SH3GL2: variants seen among roughly 807,000 people sequenced by gnomAD.
SH3GL2 encodes the protein endophilin-A1.
Under a neutral mutation model 46.0 loss-of-function variants are expected in SH3GL2, and 24 were observed. That is an observed-to-expected ratio of 0.52 (90% CI 0.38 to 0.73). The LOEUF (loss-of-function observed/expected upper bound fraction) is 0.73. Among genes scored for constraint, SH3GL2 ranks in the 30% least tolerant of loss-of-function variants. The pLI is 0.00. For missense variants in SH3GL2, 413 were observed against 424.2 expected (o/e 0.97, Z 0.23); for synonymous variants, 196 against 147.1 (o/e 1.33, Z -2.40).
chr9:17,582,268 A>G (rs987828156), intron 1 of SH3GL2, among the ~76,000 whole-genome samples: 1 of 81,846 alleles, frequency 1.2e-5, no homozygotes, highest in Non-Finnish European at 2.3e-5. Flanking sequence ...AAAATATATA[A>G]TGATACCAAA....
chr9:17,584,840 C>G (rs1387421168), intron 1 of SH3GL2, among the ~76,000 whole-genome samples: 1 of 152,080 alleles, frequency 6.6e-6, no homozygotes, highest in East Asian at 1.9e-4. Flanking sequence ...ACTGAGAGTC[C>G]TCGTGATTGA....
intron 1 of SH3GL2, among the ~76,000 whole-genome samples, chr9:17,678,815 G>A (rs1022584426): frequency 5.9e-5 from 9 of 152,134 alleles, no homozygotes; most frequent in African/African-American, 2.2e-4. Context: ...TGTATAAGGT[G>A]TAAGGAAGGG....
At chr9:17,705,764 C>G (rs940887166) in intron 1 of SH3GL2, among the ~76,000 whole-genome samples, 17 of 151,794 alleles carry the variant, frequency 1.1e-4, no homozygotes, top group African/African-American at 4.1e-4. Context: ...TACACATGGA[C>G]ACAAAGAAGG....
rs761788869 is a variant in SH3GL2 at position 17,793,386 on chromosome 9, C to G, written c.748C>G (p.Gln250Glu). 1.9e-6 allele frequency: 3 copies of G among 1,612,236 alleles called. No individual in the cohort carries two copies. In the African/African-American group the frequency reaches 4.0e-5, roughly 22 times the overall value. ...CTGCAGAATAAGACAGGCTTCATCTCAGCCTAGAAGGGAATATCAACCTAA... is the reference window on the plus strand; with the variant it reads ...CTGCAGAATAAGACAGGCTTCATCTGAGCCTAGAAGGGAATATCAACCTAA... Reference protein sequence around the residue: ...LEERIRQASSQPRREYQPKPR... With the variant: ...LEERIRQASSEPRREYQPKPR... The change falls in exon 8 of 9, where the codon CAG (glutamine) becomes GAG (glutamate). Residue 250 changes from glutamine to glutamate, a missense_variant. By Grantham distance (29) the Gln-to-Glu change is conservative. Around this residue, in one of 3 missense-constraint regions of SH3GL2, gnomAD observed 248 missense variants for 215.0 expected, o/e 1.15. Coordinates refer to ENST00000380607, the MANE Select transcript of SH3GL2 (RefSeq NM_003026.5).
chr9:17,585,197 A>T (rs1818350669), intron 1 of SH3GL2, among the ~76,000 whole-genome samples: 1 of 152,154 alleles, frequency 6.6e-6, no homozygotes, highest in Non-Finnish European at 1.5e-5. Context: ...AGCTTGAGGC[A>T]GCGGCGAGAG....
At chr9:17,603,253 A>G (rs769431214) in intron 1 of SH3GL2, among the ~76,000 whole-genome samples, 5 of 152,244 alleles carry the variant, frequency 3.3e-5, no homozygotes, top group Non-Finnish European at 7.3e-5. Flanking sequence ...ATTATTGACC[A>G]TAGTCAAGAG....
chr9:17,650,436 A>G (rs969962782), intron 1 of SH3GL2, among the ~76,000 whole-genome samples: 8 of 152,100 alleles, frequency 5.3e-5, no homozygotes, highest in Non-Finnish European at 1.0e-4. Context: ...CAGTGGCGCA[A>G]TCTTGGCTCA....
intron 1 of SH3GL2, among the ~76,000 whole-genome samples, chr9:17,595,956 C>T (rs771051034): frequency 4.6e-5 from 7 of 152,008 alleles, no homozygotes; most frequent in Non-Finnish European, 1.0e-4. Context: ...AGTAGTGTTT[C>T]TATATTTTCT....
intron 1 of SH3GL2, among the ~76,000 whole-genome samples, chr9:17,738,917 C>T (rs1285293047): frequency 6.6e-6 from 1 of 152,034 alleles, no homozygotes; most frequent in African/African-American, 2.4e-5. Flanking sequence ...TAGATGTTAA[C>T]CATTTTCACA....
chr9:17,626,370 A>G (rs1819281322), intron 1 of SH3GL2, among the ~76,000 whole-genome samples: 1 of 152,228 alleles, frequency 6.6e-6, no homozygotes, highest in Non-Finnish European at 1.5e-5. Flanking sequence ...TTAGAGGACC[A>G]CACAGCTGCC....
rs1404593795 is a variant in SH3GL2 at position 17,642,159 on chromosome 9, C to T, written c.45+62872C>T. The stretch of plus-strand genomic sequence containing the variant: ...TTTATTGGCTGCATAAATGGCTTCT[C>T]TTGAAAAGTGTCTGTTCATATCCTT... On this transcript the variant is annotated intron_variant, in intron 1 of 8. Transcript: ENST00000380607. 7.2e-5 allele frequency among the ~76,000 whole-genome samples: 11 copies of T among 152,234 alleles called. No individual in the cohort carries two copies. In the East Asian group the frequency reaches 2.1e-3, roughly 29 times the overall value.
intron 1 of SH3GL2, among the ~76,000 whole-genome samples, chr9:17,668,568 C>T (rs1820398501): frequency 6.6e-6 from 1 of 152,158 alleles, no homozygotes; most frequent in Non-Finnish European, 1.5e-5. Context: ...TTTTTTCCTA[C>T]ACTTAAGTTA....
chr9:17,679,623 T>C (rs573370642), intron 1 of SH3GL2, among the ~76,000 whole-genome samples: 49 of 152,254 alleles, frequency 3.2e-4, no homozygotes, highest in African/African-American at 7.9e-4. Flanking sequence ...CCTTTATTTC[T>C]TTCTCCTGCC....
intron 1 of SH3GL2, among the ~76,000 whole-genome samples, chr9:17,604,774 G>A (rs1242630140): frequency 1.3e-5 from 2 of 152,122 alleles, no homozygotes; most frequent in Admixed American, 1.3e-4. Flanking sequence ...CTTCAAGGGC[G>A]GTGCTGAGAA....
At chr9:17,709,680 TAC>T (rs3837228) in intron 1 of SH3GL2, among the ~76,000 whole-genome samples, 66,367 of 148,020 alleles carry the variant, frequency 0.45, 16,432 homozygotes, top group Middle Eastern at 0.59. Context: ...TTATTTGTAT[TAC>T]ACACACACAC....
intron 1 of SH3GL2, among the ~76,000 whole-genome samples, chr9:17,587,258 C>T (rs931191558): frequency 1.1e-4 from 17 of 152,030 alleles, no homozygotes; most frequent in African/African-American, 3.4e-4. Context: ...TGAATGACTC[C>T]AGTGAGGAAA....
chr9:17,783,389 A>G (rs1823867682), intron 3 of SH3GL2, among the ~76,000 whole-genome samples: 1 of 151,314 alleles, frequency 6.6e-6, no homozygotes, highest in Non-Finnish European at 1.5e-5. Flanking sequence ...TTGCCACACT[A>G]GATAAGTAGC....
chr9:17,788,082 A>C (rs950679321), intron 5 of SH3GL2, among the ~76,000 whole-genome samples: 11 of 152,128 alleles, frequency 7.2e-5, no homozygotes, highest in African/African-American at 2.2e-4. Context: ...TATGTCTTTG[A>C]GTGTGGAATG....
chr9:17,708,601 A>T (rs892547301), intron 1 of SH3GL2, among the ~76,000 whole-genome samples: 4 of 152,136 alleles, frequency 2.6e-5, no homozygotes, highest in African/African-American at 9.6e-5. Flanking sequence ...TTCTTTAACC[A>T]TGAACACCTG....
Sources: gnomAD v4.1 joint callset for allele counts (sites outside exome capture counted in the v4.1 genomes callset) on GRCh38, gnomAD v4.1.1 for gene constraint, gnomAD v4.1.1 regional missense constraint, MANE v1.5 for transcripts, NCBI Gene and HGNC (gene_info 2026-07-23, HGNC 2026-07-21) for gene names.